The following DLGAP1 variants were observed in gnomAD, a reference collection of about 807,000 sequenced individuals.
DLGAP1 encodes DLG associated protein 1.
A neutral mutation model predicts 90.8 loss-of-function variants in DLGAP1; 11 were observed. That is an observed-to-expected ratio of 0.12 (90% CI 0.08 to 0.20). DLGAP1 has a LOEUF of 0.20. Ranked by LOEUF, DLGAP1 falls within the 10% of genes least tolerant of loss-of-function variation. The pLI is 1.00. For synonymous variants in DLGAP1, 558 were observed against 540.7 expected, an observed-to-expected ratio of 1.03 and a Z score of -0.44; for missense variants, 1,050 against 1,333.8, an observed-to-expected ratio of 0.79 and a Z score of 3.31.
chr18:4,166,863 T>C (rs564591589), intron 1 of DLGAP1, among the ~76,000 whole-genome samples: 4 of 152,354 alleles, frequency 2.6e-5, no homozygotes, highest in South Asian at 2.1e-4. Context: ...AGAATAGTCA[T>C]TAGCATGGGC....
chr18:3,927,206 T>C (rs2072411728), intron 3 of DLGAP1, among the ~76,000 whole-genome samples: 3 of 152,208 alleles, frequency 2.0e-5, no homozygotes, highest in Non-Finnish European at 4.4e-5. Context: ...AGTAATTCAA[T>C]GGATGCTAAA....
intron 7 of DLGAP1, among the ~76,000 whole-genome samples, chr18:3,662,548 G>C (rs1243160634): frequency 6.6e-6 from 1 of 152,182 alleles, no homozygotes; most frequent in East Asian, 1.9e-4. Flanking sequence ...GCAGGCAGAG[G>C]TAAAGTGCAA....
At chr18:3,523,735 TAC>T (rs2051404723) in intron 10 of DLGAP1, among the ~76,000 whole-genome samples, 1 of 151,472 alleles carries the variant, frequency 6.6e-6, no homozygotes, top group African/African-American at 2.4e-5. Flanking sequence ...TAGTCCCAGC[TAC>T]ACTGGGAGGC....
intron 4 of DLGAP1, among the ~76,000 whole-genome samples, chr18:3,818,346 GTTTTTTTTTTTTTTTT>G (rs398031872): frequency 1.5e-5 from 1 of 66,456 alleles, no homozygotes; most frequent in South Asian, 6.4e-4. Flanking sequence ...TGTAGGGATG[GTTTTTTTTTTTTTTTT>G]TTTTTTTTTT....
chr18:3,573,533 A>G (rs2054931727), intron 8 of DLGAP1, among the ~76,000 whole-genome samples: 1 of 152,178 alleles, frequency 6.6e-6, no homozygotes, highest in Non-Finnish European at 1.5e-5. Flanking sequence ...TCTTTTTTGT[A>G]ATATTACATG....
intron 1 of DLGAP1, among the ~76,000 whole-genome samples, chr18:4,189,071 T>C (rs1213028609): frequency 1.3e-5 from 2 of 152,162 alleles, no homozygotes; most frequent in Non-Finnish European, 2.9e-5. Context: ...ATTTGTACGA[T>C]AATGAATGCT....
At chr18:4,327,817 T>C (rs543948819) in intron 1 of DLGAP1, among the ~76,000 whole-genome samples, 2 of 152,122 alleles carry the variant, frequency 1.3e-5, no homozygotes. Context: ...GAATTTCACA[T>C]CAATAGAATC....
chr18:4,444,095 G>T (rs952753829), intron 1 of DLGAP1, among the ~76,000 whole-genome samples: 2 of 152,186 alleles, frequency 1.3e-5, no homozygotes, highest in African/African-American at 2.4e-5. Context: ...GGCAGAGAAG[G>T]TGAATGCAAT....
In DLGAP1 at chr18:3,935,425, A is replaced by G. The variant is rs549569222; in HGVS notation, c.-72-55285T>C. 1.2e-4 allele frequency among the ~76,000 whole-genome samples: 18 copies of G among 152,354 alleles called. 1 individual carries two copies. The South Asian group carries it at 3.3e-3, about 28-fold the overall frequency. On this transcript the variant is annotated intron_variant, in intron 3 of 12. Coordinates refer to ENST00000315677, the MANE Select transcript of DLGAP1 (RefSeq NM_004746.4). The stretch of plus-strand genomic sequence containing the variant: ...GGTTAGCAGTATTTTAGGAAGGGTA[A>G]TCTGGCAGTGGTAGGCAAATTGGAT...
intron 1 of DLGAP1, among the ~76,000 whole-genome samples, chr18:4,363,192 T>G (rs867093976): frequency 5.3e-5 from 8 of 152,156 alleles, no homozygotes; most frequent in Admixed American, 2.0e-4. Context: ...CCTGGAAATA[T>G]GCACACATGG....
intron 7 of DLGAP1, among the ~76,000 whole-genome samples, chr18:3,614,754 C>T (rs1390025475): frequency 5.6e-5 from 8 of 143,454 alleles, no homozygotes; most frequent in East Asian, 2.2e-4. Flanking sequence ...GAGCCTGAGG[C>T]GGGAGAATTG....
chr18:3,600,899 T>TAGATAG lies in DLGAP1; in HGVS notation c.1592-18652_1592-18651insCTATCT, dbSNP rs1568279154. Among the ~76,000 whole-genome samples, 248 of 131,106 alleles carry TAGATAG rather than the reference T, an allele frequency of 1.9e-3. 5 individuals are homozygous for TAGATAG. Among genetic ancestry groups the TAGATAG allele is most frequent in the Middle Eastern group, 8.0e-3 (2 of 250 alleles). The allele number at this position is 131,106 out of a possible 152,430, so 86.0% of individuals were successfully genotyped here. ...ATATATAGATAGATATATAGATATA[T>TAGATAG]ATAGATATATAGATAGATATAGATA... On this transcript the variant is annotated intron_variant, in intron 7 of 12. Transcript: ENST00000315677.
intron 9 of DLGAP1, among the ~76,000 whole-genome samples, chr18:3,551,091 T>G (rs955895306): frequency 2.6e-5 from 4 of 151,812 alleles, no homozygotes; most frequent in Admixed American, 1.3e-4. Context: ...GAAAATAAAT[T>G]TCTGTTGTTT....
At chr18:3,539,698 T>C (rs778414546) in intron 9 of DLGAP1, among the ~76,000 whole-genome samples, 6 of 152,246 alleles carry the variant, frequency 3.9e-5, no homozygotes, top group Non-Finnish European at 7.3e-5. Flanking sequence ...CCCTGTCTGA[T>C]AGAGTTGCAG....
intron 1 of DLGAP1, among the ~76,000 whole-genome samples, chr18:4,377,292 T>A (rs1247316802): frequency 2.0e-5 from 3 of 152,126 alleles, no homozygotes; most frequent in African/African-American, 7.2e-5. Flanking sequence ...ACCATTCTCA[T>A]CCACTCAAGA....
At chr18:3,991,375 T>C (rs966085941) in intron 3 of DLGAP1, among the ~76,000 whole-genome samples, 13 of 152,166 alleles carry the variant, frequency 8.5e-5, no homozygotes, top group Non-Finnish European at 1.8e-4. Flanking sequence ...CAAGGAAAAG[T>C]TTAAGAGACA....
At chr18:3,864,545 T>C (rs1454293580) in intron 4 of DLGAP1, among the ~76,000 whole-genome samples, 2 of 152,176 alleles carry the variant, frequency 1.3e-5, no homozygotes, top group Non-Finnish European at 2.9e-5. Context: ...GAGTTTGCTA[T>C]AGAACACTGA....
chr18:3,762,607 T>C (rs1053877110), intron 5 of DLGAP1, among the ~76,000 whole-genome samples: 20 of 152,346 alleles, frequency 1.3e-4, no homozygotes, highest in African/African-American at 4.8e-4. Context: ...TAAATAATTC[T>C]TTTGATGTTG....
intron 2 of DLGAP1, among the ~76,000 whole-genome samples, chr18:4,062,698 C>T (rs1195143814): frequency 6.6e-6 from 1 of 152,074 alleles, no homozygotes; most frequent in Non-Finnish European, 1.5e-5. Context: ...ACAAATCAGT[C>T]TCATTATGAT....
Sources: allele counts gnomAD v4.1 joint callset (sites outside exome capture counted in the v4.1 genomes callset), GRCh38; gene constraint gnomAD v4.1.1; transcripts MANE v1.5; gene names NCBI Gene and HGNC (gene_info 2026-07-23, HGNC 2026-07-21).